The following SMG1 variants were observed in gnomAD, a reference collection of about 807,000 sequenced individuals.
SMG1 encodes SMG1 nonsense mediated mRNA decay associated PI3K related kinase.
In SMG1, 22 loss-of-function variants were observed where a neutral mutation model predicts 419.9. That is an observed-to-expected ratio of 0.05 (90% CI 0.04 to 0.07). The LOEUF (loss-of-function observed/expected upper bound fraction) is 0.07. SMG1 is among the 10% of genes least tolerant of loss of function. SMG1 has a pLI of 1.00. For synonymous variants in SMG1, 1,538 were observed against 1,553.5 expected (o/e 0.99, Z 0.23); for missense variants, 3,185 against 4,342.0 (o/e 0.73, Z 7.49).
chr16:18,890,412 T>A (rs1596606089), intron 5 of SMG1, among the ~76,000 whole-genome samples: 1 of 151,928 alleles, frequency 6.6e-6, no homozygotes, highest in African/African-American at 2.4e-5. Flanking sequence ...CTAAGGTGGG[T>A]GGATTACCTG....
At chr16:18,918,389 A>G (rs1037373548) in intron 1 of SMG1, among the ~76,000 whole-genome samples, 6 of 152,150 alleles carry the variant, frequency 3.9e-5, no homozygotes, top group African/African-American at 1.4e-4. Context: ...AGAAGTACCC[A>G]ATTTCTCTAC....
At position 18,804,864 on chromosome 16, in the gene SMG1, T is replaced by C. The variant is rs1400521595; in HGVS notation, c.*4705A>G. ...ATTCAGAACTTAAATGCTGTATCTT[T>C]TGAGACTGAACCTTTATTTTCTGAA... is the stretch of plus-strand genomic sequence containing the variant. On this transcript the variant is annotated 3_prime_UTR_variant, in exon 63 of 63. Transcript: ENST00000446231. 3 of 152,674 alleles carry C rather than the reference T, an allele frequency of 2.0e-5. No individual in the cohort carries two copies. The highest frequency in any genetic ancestry group is 1.9e-4 in the East Asian group (1 of 5,202). 9.5% of individuals were successfully genotyped at this position (152,674 alleles called of 1,614,324 possible).
intron 11 of SMG1, chr16:18,877,702 T>G: frequency 6.5e-6 from 1 of 153,222 alleles, no homozygotes; most frequent in Non-Finnish European, 1.5e-5. Context: ...TGGGAACTCA[T>G]TGTTTTCTGC....
At chr16:18,918,773 T>C (rs1393593999) in intron 1 of SMG1, among the ~76,000 whole-genome samples, 1 of 152,138 alleles carries the variant, frequency 6.6e-6, no homozygotes, top group Non-Finnish European at 1.5e-5. Context: ...CCCCAGCACT[T>C]TGGGAGGTCA....
intron 23 of SMG1, among the ~76,000 whole-genome samples, chr16:18,865,457 T>C (rs1172835662): frequency 1.3e-5 from 2 of 152,136 alleles, no homozygotes; most frequent in East Asian, 3.9e-4. Context: ...TTTGGCAGCC[T>C]TTCTTCTAGT....
chr16:18,920,219 T>G lies in SMG1; in HGVS notation c.92+5731A>C, dbSNP rs186308490. Among the ~76,000 whole-genome samples, 7 of 151,666 alleles carry G rather than the reference T, an allele frequency of 4.6e-5. No homozygotes were observed. The East Asian group carries it at 1.4e-3, about 30-fold the overall frequency. ...TAACATGGTGAAACCCCGTCTCTAC[T>G]AAATATAAAAAAGTTAGCCGGGTGT... On this transcript the variant is annotated intron_variant, in intron 1 of 62. Coordinates refer to ENST00000446231, the MANE Select transcript of SMG1 (RefSeq NM_015092.5).
intron 1 of SMG1, among the ~76,000 whole-genome samples, chr16:18,899,723 T>G (rs1246403918): frequency 6.6e-6 from 1 of 152,142 alleles, no homozygotes; most frequent in Non-Finnish European, 1.5e-5. Context: ...GAAGCAGGCA[T>G]GAATGTTAGG....
intron 23 of SMG1, 52 bp from the exon 24 acceptor site, chr16:18,864,196 T>C (rs993867304): frequency 4.4e-4 from 601 of 1,376,822 alleles, no homozygotes; most frequent in South Asian, 5.3e-4. Context: ...ACTTTTTTTT[T>C]TTTTTTTTTT....
intron 1 of SMG1, among the ~76,000 whole-genome samples, chr16:18,914,938 C>T (rs2037914489): frequency 6.7e-6 from 1 of 148,866 alleles, no homozygotes; most frequent in Admixed American, 6.7e-5. Flanking sequence ...CTTAAATTAC[C>T]ATATTTTTTT....
intron 58 of SMG1, 36 bp downstream of exon 58, chr16:18,816,266 G>A (rs2291660): frequency 6.7e-7 from 1 of 1,488,892 alleles, no homozygotes; most frequent in Admixed American, 1.9e-5. Context: ...TTATAACAGA[G>A]GGAGAGTAAA....
Position 18,828,116 on chromosome 16 carries a change from G to A in SMG1, c.9656C>T (p.Pro3219Leu). Residue 3219 changes from proline (P) to leucine (L), a missense_variant, in exon 55 of 63, where the codon CCT (proline) becomes CTT (leucine). By Grantham distance (98) the Pro-to-Leu change is moderately conservative. This residue lies in a region of SMG1 where 737 missense variants were observed against 846.6 expected (regional missense o/e 0.87). Transcript: ENST00000446231. ...INRPQAMSVT[P>L]PPRSAILTSM... is the part of the protein sequence containing the mutation. The stretch of plus-strand genomic sequence containing the variant: ...GGTTAGGATAGCAGACCGTGGGGGA[G>A]GTGTGACTGACATGGCTTGTGGTCT... The A allele has an allele frequency of 6.2e-7, 1 of 1,613,592 alleles. No homozygotes were observed. The highest frequency in any genetic ancestry group is 8.5e-7 in the Non-Finnish European group (1 of 1,179,688).
rs1293114916 is a variant in SMG1 at position 18,813,478 on chromosome 16, G to A, written c.10622-1351C>T. On this transcript the variant is annotated intron_variant, in intron 60 of 62. Coordinates refer to ENST00000446231, the MANE Select transcript of SMG1 (RefSeq NM_015092.5). ...CTGCATAAATGTCTTCTTTTGAGAA[G>A]TGTCTGTTTATATCCTTCGCCCACT... Among the ~76,000 whole-genome samples the A allele has an allele frequency of 2.0e-5, 3 of 152,182 alleles. 1 individual carries two copies. The highest frequency in any genetic ancestry group is 1.3e-4 in the Admixed American group (2 of 15,280).
In SMG1 at chr16:18,838,435, A is replaced by G. The variant is rs2033714744; in HGVS notation, c.7116T>C (p.Pro2372=). 1 of 1,614,012 alleles carries G rather than the reference A, an allele frequency of 6.2e-7. No homozygotes were observed. Among genetic ancestry groups the G allele is most frequent in the Admixed American group, 1.7e-5 (1 of 60,008 alleles). ...GKSLRVPEKV[P]FRMTQNIETA... The stretch of plus-strand genomic sequence containing the variant: ...TTTCAATGTTTTGTGTCATTCGAAA[A>G]GGTACTTTCTCAGGAACTCTAAGGC... The change falls in exon 44 of 63, where the codon CCT becomes CCC. Residue 2372 remains proline (P), a synonymous_variant. Transcript: ENST00000446231.
chr16:18,898,226 C>T (rs1011729794), intron 1 of SMG1, among the ~76,000 whole-genome samples: 1 of 152,176 alleles, frequency 6.6e-6, no homozygotes, highest in Non-Finnish European at 1.5e-5. Context: ...TCCAATTAAA[C>T]TTGGATATCT....
At chr16:18,831,997 A>G (rs1567333152) in intron 51 of SMG1, among the ~76,000 whole-genome samples, 2 of 152,062 alleles carry the variant, frequency 1.3e-5, no homozygotes, top group Non-Finnish European at 2.9e-5. Context: ...TGCATTATTA[A>G]TATTTAAGAA....
chr16:18,834,835 G>C, intron 49 of SMG1, 57 bp downstream of exon 49: 21 of 1,545,668 alleles, frequency 1.4e-5, no homozygotes, highest in Non-Finnish European at 1.8e-5. Flanking sequence ...AACATTTTAG[G>C]TTTGGGATTA....
At chr16:18,812,496 T>G (rs1191172325) in intron 60 of SMG1, among the ~76,000 whole-genome samples, 6 of 151,960 alleles carry the variant, frequency 3.9e-5, no homozygotes, top group Non-Finnish European at 8.8e-5. Flanking sequence ...TACCAAAATA[T>G]ACAATGGTAA....
rs2035490453 is a variant in SMG1, at chr16:18,866,145, A to G, written c.3350+476T>C. 2.2e-5 allele frequency: 4 copies of G among 178,282 alleles called. No homozygotes were observed. The South Asian group carries it at 4.6e-4, about 20-fold the overall frequency. 11.0% of individuals were successfully genotyped at this position (178,282 alleles called of 1,614,324 possible). ...ACACACAACAGAAGTTACTACAAAGATATGGAAGTATGAGCAGTTCTTTTA... is the reference window on the plus strand; with the variant it reads ...ACACACAACAGAAGTTACTACAAAGGTATGGAAGTATGAGCAGTTCTTTTA... On this transcript the variant is annotated intron_variant, in intron 23 of 62. Coordinates refer to ENST00000446231, the MANE Select transcript of SMG1 (RefSeq NM_015092.5).
At chr16:18,920,366 G>A (rs1442851713) in intron 1 of SMG1, among the ~76,000 whole-genome samples, 1 of 134,002 alleles carries the variant, frequency 7.5e-6, no homozygotes, top group East Asian at 2.2e-4. Flanking sequence ...TGGACAACAA[G>A]AGCAAAACTC....
Sources: gnomAD v4.1 joint callset for allele counts (sites outside exome capture counted in the v4.1 genomes callset) on GRCh38, gnomAD v4.1.1 for gene constraint, gnomAD v4.1.1 regional missense constraint, MANE v1.5 for transcripts, NCBI Gene and HGNC (gene_info 2026-07-23, HGNC 2026-07-21) for gene names.